The following STXBP6 variants were observed in gnomAD, a reference collection of about 807,000 sequenced individuals.
STXBP6 encodes the protein syntaxin binding protein 6.
In STXBP6, 21 loss-of-function variants were observed where a neutral mutation model predicts 26.9. That is an observed-to-expected ratio of 0.78 (90% CI 0.55 to 1.12). STXBP6 has a LOEUF of 1.12. STXBP6 is among the 50% of genes most tolerant of loss of function. STXBP6 has a pLI of 0.00. For missense variants in STXBP6, 232 were observed against 257.9 expected (o/e 0.90, Z 0.69); for synonymous variants, 97 against 92.6 (o/e 1.05, Z -0.27).
intron 2 of STXBP6, among the ~76,000 whole-genome samples, chr14:24,930,435 G>A (rs548149044): frequency 2.0e-5 from 3 of 152,188 alleles, no homozygotes; most frequent in Admixed American, 6.5e-5. Flanking sequence ...TGTGTATGAT[G>A]TCCTTGAAAA....
chr14:24,810,898 T>TGTGTGTGTGTGTGTGTGTGTGC lies in STXBP6; in HGVS notation c.*1810_*1811insGCACACACACACACACACACAC, dbSNP rs1312840126. ...GTGTGTGTGTGTGTGTGTGTGTGTG[T>TGTGTGTGTGTGTGTGTGTGTGC]GTGCATTCTGAACTGAGATCTGCAA... On this transcript the variant is annotated 3_prime_UTR_variant, in exon 6 of 6. Transcript: ENST00000323944. The TGTGTGTGTGTGTGTGTGTGTGC allele has an allele frequency of 2.0e-5, 3 of 152,208 alleles. No individual in the cohort carries two copies. Among genetic ancestry groups the TGTGTGTGTGTGTGTGTGTGTGC allele is most frequent in the African/African-American group, 7.3e-5 (3 of 41,364 alleles). The allele number at this position is 152,208 out of a possible 1,614,324, so 9.4% of individuals were successfully genotyped here.
chr14:24,947,540 G>A (rs2073031980), intron 2 of STXBP6, among the ~76,000 whole-genome samples: 1 of 152,204 alleles, frequency 6.6e-6, no homozygotes. Context: ...GGAATGAGAG[G>A]AAGAGTATCA....
intron 2 of STXBP6, among the ~76,000 whole-genome samples, chr14:24,963,033 ATAT>A (rs1192842300): frequency 1.3e-5 from 2 of 152,208 alleles, no homozygotes; most frequent in African/African-American, 4.8e-5. Flanking sequence ...TTATACCTAG[ATAT>A]TATAAAACGG....
At chr14:24,888,754 G>A (rs79428731) in intron 2 of STXBP6, among the ~76,000 whole-genome samples, 1,644 of 151,510 alleles carry the variant, frequency 0.011, 11 homozygotes, top group Middle Eastern at 0.024. Context: ...TTCAAAGTCT[G>A]TTCCAGAAAA....
intron 2 of STXBP6, among the ~76,000 whole-genome samples, chr14:24,970,888 T>G (rs1036159858): frequency 6.6e-6 from 1 of 152,236 alleles, no homozygotes; most frequent in African/African-American, 2.4e-5. Flanking sequence ...TTTTTAATTT[T>G]AGTCATTGCT....
At chr14:24,871,126 C>T (rs1271630445) in intron 2 of STXBP6, among the ~76,000 whole-genome samples, 1 of 151,674 alleles carries the variant, frequency 6.6e-6, no homozygotes, top group Non-Finnish European at 1.5e-5. Context: ...TTTTTCACTA[C>T]TTTCATATGG....
At chr14:24,885,497 C>G (rs937020596) in intron 2 of STXBP6, among the ~76,000 whole-genome samples, 1 of 152,232 alleles carries the variant, frequency 6.6e-6, no homozygotes, top group African/African-American at 2.4e-5. Flanking sequence ...GCCCATTACA[C>G]TCAATCCCCT....
In STXBP6 at chr14:25,037,013, T is replaced by C. The variant is rs143330384; in HGVS notation, c.-33+12865A>G. On this transcript the variant is annotated intron_variant, in intron 1 of 5. Coordinates refer to ENST00000323944, the MANE Select transcript of STXBP6 (RefSeq NM_001394410.1). The stretch of plus-strand genomic sequence containing the variant: ...ATTCATCAGCATATCTTTAAAGTAT[T>C]TTCTGGGTAACTATTTGCCAGTCAG... 1.7e-3 allele frequency among the ~76,000 whole-genome samples: 259 copies of C among 152,302 alleles called. 1 individual carries two copies. Among genetic ancestry groups the C allele is most frequent in the African/African-American group, 5.9e-3 (244 of 41,574 alleles).
chr14:24,996,540 C>T (rs887092493), intron 1 of STXBP6, among the ~76,000 whole-genome samples: 1 of 151,544 alleles, frequency 6.6e-6, no homozygotes, highest in Non-Finnish European at 1.5e-5. Flanking sequence ...CTTTGCTTCT[C>T]TCCTTAAAAA....
intron 2 of STXBP6, among the ~76,000 whole-genome samples, chr14:24,924,720 T>C (rs2072101383): frequency 6.6e-6 from 1 of 152,184 alleles, no homozygotes; most frequent in Admixed American, 6.5e-5. Context: ...GATGCCCAGA[T>C]GACTAAGCCA....
At chr14:24,916,535 G>A (rs1022233012) in intron 2 of STXBP6, among the ~76,000 whole-genome samples, 2 of 152,118 alleles carry the variant, frequency 1.3e-5, no homozygotes, top group Non-Finnish European at 2.9e-5. Context: ...CTATCTGATT[G>A]CAGCTACTGG....
chr14:24,819,002 C>G, intron 5 of STXBP6, 35 bp downstream of exon 5: 1 of 1,536,792 alleles, frequency 6.5e-7, no homozygotes, highest in Non-Finnish European at 8.8e-7. Flanking sequence ...CCCCAACACC[C>G]CAGAGCTGAG....
chr14:25,030,683 AGGCTGACAGCATT>A (rs1352759083), intron 1 of STXBP6, among the ~76,000 whole-genome samples: 5 of 152,174 alleles, frequency 3.3e-5, no homozygotes, highest in African/African-American at 1.2e-4. Flanking sequence ...GGCACAATAA[AGGCTGACAGCATT>A]GATGGGTTCC....
chr14:24,935,625 C>T (rs2072567849), intron 2 of STXBP6, among the ~76,000 whole-genome samples: 1 of 152,086 alleles, frequency 6.6e-6, no homozygotes, highest in Non-Finnish European at 1.5e-5. Flanking sequence ...TACAATATAA[C>T]AGTATTTTCT....
At chr14:24,885,419 C>T (rs745383664) in intron 2 of STXBP6, among the ~76,000 whole-genome samples, 1 of 152,158 alleles carries the variant, frequency 6.6e-6, no homozygotes, top group Non-Finnish European at 1.5e-5. Context: ...ACTGCTAAGG[C>T]CAGGCAGGCT....
intron 2 of STXBP6, among the ~76,000 whole-genome samples, chr14:24,882,453 T>TA (rs2139442165): frequency 7.2e-6 from 1 of 139,344 alleles, no homozygotes; most frequent in African/African-American, 2.7e-5. Flanking sequence ...GGTCCCAACT[T>TA]CCTTAACCTT....
intron 2 of STXBP6, among the ~76,000 whole-genome samples, chr14:24,906,598 T>C (rs916651563): frequency 6.6e-6 from 1 of 152,220 alleles, no homozygotes; most frequent in African/African-American, 2.4e-5. Context: ...TGTTTTGTTA[T>C]GAAATCTAAC....
chr14:24,972,985 T>G (rs1269970400), intron 2 of STXBP6, among the ~76,000 whole-genome samples: 2 of 152,158 alleles, frequency 1.3e-5, no homozygotes, highest in Admixed American at 6.5e-5. Flanking sequence ...GGGCATGGTG[T>G]TGTGTGCCTG....
intron 2 of STXBP6, among the ~76,000 whole-genome samples, chr14:24,874,811 A>T (rs1304424450): frequency 6.6e-6 from 1 of 152,052 alleles, no homozygotes; most frequent in East Asian, 1.9e-4. Flanking sequence ...GGCTCTTTCA[A>T]AGAATTACAC....
Sources: gnomAD v4.1 joint callset for allele counts (sites outside exome capture counted in the v4.1 genomes callset) on GRCh38, gnomAD v4.1.1 for gene constraint, MANE v1.5 for transcripts, NCBI Gene and HGNC (gene_info 2026-07-23, HGNC 2026-07-21) for gene names.